Variants in GPC6 observed in about 807,000 individuals in gnomAD.
GPC6 encodes the protein glypican 6.
GPC6 carries 14 observed loss-of-function variants against 55.2 expected under a neutral mutation model. The ratio of observed to expected loss-of-function variants is 0.25; its 90% confidence interval spans 0.17 to 0.40. The LOEUF is 0.40. GPC6 is among the 10% of genes least tolerant of loss of function. The pLI, the probability that GPC6 is intolerant of heterozygous loss-of-function variation, is 1.00. For synonymous variants in GPC6, 278 were observed against 259.6 expected, an observed-to-expected ratio of 1.07 and a Z score of -0.68; for missense variants, 641 against 708.5, an observed-to-expected ratio of 0.90 and a Z score of 1.08.
intron 1 of GPC6, among the ~76,000 whole-genome samples, chr13:93,353,071 T>C (rs1880688930): frequency 6.6e-6 from 1 of 152,190 alleles, no homozygotes; most frequent in Admixed American, 6.5e-5. Context: ...TGTACTTCTT[T>C]ACATTATGAT....
At chr13:94,302,014 T>C (rs1474301979) in intron 5 of GPC6, among the ~76,000 whole-genome samples, 2 of 152,232 alleles carry the variant, frequency 1.3e-5, no homozygotes, top group Admixed American at 1.3e-4. Flanking sequence ...TGCCTAACTA[T>C]ACTGCTGCTA....
intron 5 of GPC6, among the ~76,000 whole-genome samples, chr13:94,298,945 A>G (rs1875493524): frequency 6.6e-6 from 1 of 152,182 alleles, no homozygotes; most frequent in African/African-American, 2.4e-5. Context: ...TTCCTTTCCT[A>G]TCTTTTCTTT....
chr13:94,380,011 AT>A (rs1880086363), intron 6 of GPC6, among the ~76,000 whole-genome samples: 1 of 152,198 alleles, frequency 6.6e-6, no homozygotes, highest in South Asian at 2.1e-4. Context: ...TTTGAGAATA[AT>A]TTAAAGAATG....
intron 5 of GPC6, among the ~76,000 whole-genome samples, chr13:94,300,109 C>T (rs1267719367): frequency 6.6e-6 from 1 of 152,068 alleles, no homozygotes; most frequent in East Asian, 1.9e-4. Context: ...ATAGCAGCAC[C>T]TTTCCCCCAT....
At chr13:93,579,795 A>G (rs761054367) in intron 2 of GPC6, among the ~76,000 whole-genome samples, 5 of 152,132 alleles carry the variant, frequency 3.3e-5, no homozygotes, top group Non-Finnish European at 7.4e-5. Flanking sequence ...ACTCACAAAG[A>G]CGATTCTCAT....
chr13:93,279,657 A>G (rs2139065380), intron 1 of GPC6, among the ~76,000 whole-genome samples: 1 of 152,340 alleles, frequency 6.6e-6, no homozygotes, highest in East Asian at 1.9e-4. Context: ...ATATAGGTTT[A>G]TACATTTCAT....
Position 94,347,413 on chromosome 13 carries a change from A to G in GPC6, c.1153-35001A>G, listed in dbSNP as rs1265620096. 2.6e-5 allele frequency among the ~76,000 whole-genome samples: 4 copies of G among 152,316 alleles called. No homozygotes were observed. The East Asian group carries it at 5.8e-4, about 22-fold the overall frequency. On this transcript the variant is annotated intron_variant, in intron 6 of 8. Coordinates refer to ENST00000377047, the MANE Select transcript of GPC6 (RefSeq NM_005708.5). ...TTTTCAAATATAACTTTTCAGGACT[A>G]TGTGCTTTGATGGAGTATGATATAC... is the stretch of plus-strand genomic sequence containing the variant.
chr13:93,314,160 G>T (rs2139112803), intron 1 of GPC6, among the ~76,000 whole-genome samples: 1 of 152,210 alleles, frequency 6.6e-6, no homozygotes, highest in African/African-American at 2.4e-5. Context: ...TAGGCAGACA[G>T]AATTGCATAA....
chr13:93,387,197 A>G (rs1875440596), intron 1 of GPC6, among the ~76,000 whole-genome samples: 2 of 150,262 alleles, frequency 1.3e-5, no homozygotes, highest in Non-Finnish European at 2.9e-5. Context: ...TGGGATACAT[A>G]TGCAGACTGT....
chr13:94,105,888 G>A (rs978144471), intron 4 of GPC6, among the ~76,000 whole-genome samples: 1 of 152,134 alleles, frequency 6.6e-6, no homozygotes, highest in African/African-American at 2.4e-5. Context: ...GGCCAGGGAT[G>A]CTGCTAAGCA....
intron 1 of GPC6, among the ~76,000 whole-genome samples, chr13:93,528,500 A>T (rs1881737492): frequency 6.6e-6 from 1 of 152,166 alleles, no homozygotes. Context: ...ATGGTTTGGC[A>T]AGCAGTGTTG....
chr13:94,166,489 T>G (rs979290727), intron 4 of GPC6, among the ~76,000 whole-genome samples: 6 of 152,188 alleles, frequency 3.9e-5, no homozygotes, highest in African/African-American at 1.4e-4. Context: ...TCCTTTTTCA[T>G]TTTTAGAAGT....
chr13:93,540,612 A>G (rs1251407533), intron 1 of GPC6, among the ~76,000 whole-genome samples: 1 of 152,228 alleles, frequency 6.6e-6, no homozygotes, highest in Non-Finnish European at 1.5e-5. Context: ...TCTTTGATAC[A>G]TAAAATGTTT....
intron 2 of GPC6, among the ~76,000 whole-genome samples, chr13:93,736,095 C>G (rs1254475483): frequency 6.6e-6 from 1 of 152,144 alleles, no homozygotes; most frequent in African/African-American, 2.4e-5. Context: ...GCATTTGGCT[C>G]TAGAAGAGTT....
chr13:93,812,798 C>A (rs896579161), intron 2 of GPC6, among the ~76,000 whole-genome samples: 1 of 152,142 alleles, frequency 6.6e-6, no homozygotes, highest in African/African-American at 2.4e-5. Flanking sequence ...CTCCTAATTG[C>A]TTCATGTATA....
intron 3 of GPC6, among the ~76,000 whole-genome samples, chr13:93,837,491 C>T (rs905904959): frequency 1.4e-4 from 21 of 152,096 alleles, no homozygotes; most frequent in African/African-American, 5.1e-4. Context: ...AAAAACAGAG[C>T]CACTATAGAG....
At chr13:93,319,936 A>T (rs541508811) in intron 1 of GPC6, among the ~76,000 whole-genome samples, 5 of 152,114 alleles carry the variant, frequency 3.3e-5, no homozygotes, top group Non-Finnish European at 5.9e-5. Context: ...AAATCGCAAA[A>T]CAATAGCTGT....
At chr13:93,453,583 A>T (rs1471888218) in intron 1 of GPC6, among the ~76,000 whole-genome samples, 1 of 129,366 alleles carries the variant, frequency 7.7e-6, no homozygotes. Flanking sequence ...GCACATCTGG[A>T]GTTTGTTCCT....
intron 1 of GPC6, among the ~76,000 whole-genome samples, chr13:93,505,339 C>T (rs1218103409): frequency 6.6e-6 from 1 of 152,130 alleles, no homozygotes; most frequent in Admixed American, 6.6e-5. Flanking sequence ...CTGTAAGTCT[C>T]TAGTTACACT....
Sources: gnomAD v4.1 joint callset for allele counts (sites outside exome capture counted in the v4.1 genomes callset) on GRCh38, gnomAD v4.1.1 for gene constraint, MANE v1.5 for transcripts, NCBI Gene and HGNC (gene_info 2026-07-23, HGNC 2026-07-21) for gene names.